RIMS1: variants seen among roughly 807,000 people sequenced by gnomAD.
RIMS1 encodes the protein regulating synaptic membrane exocytosis 1.
A neutral mutation model predicts 214.1 loss-of-function variants in RIMS1; 83 were observed. The observed-to-expected ratio is 0.39, with a 90% CI of 0.32 to 0.47. The LOEUF (loss-of-function observed/expected upper bound fraction) is 0.47. Among genes scored for constraint, RIMS1 ranks in the 20% least tolerant of loss-of-function variants. The probability of loss-of-function intolerance (pLI) is 0.99; values close to 1 mark genes in which losing one functional copy is unlikely to be tolerated. For missense variants in RIMS1, 2,050 were observed against 2,161.8 expected, an observed-to-expected ratio of 0.95 and a Z score of 1.03; for synonymous variants, 793 against 786.8, an observed-to-expected ratio of 1.01 and a Z score of -0.13.
chr6:72,276,234 A>G (rs549415835), intron 23 of RIMS1, among the ~76,000 whole-genome samples: 18 of 152,204 alleles, frequency 1.2e-4, no homozygotes, highest in Non-Finnish European at 2.4e-4. Context: ...CCAAGAAAAG[A>G]AAAAAAGAAA....
At chr6:72,280,656 A>T (rs1211068209) in intron 23 of RIMS1, among the ~76,000 whole-genome samples, 1 of 151,976 alleles carries the variant, frequency 6.6e-6, no homozygotes, top group Non-Finnish European at 1.5e-5. Flanking sequence ...GAAGAGAAAA[A>T]AGGGGCATCC....
intron 9 of RIMS1, among the ~76,000 whole-genome samples, chr6:72,238,376 G>GT (rs1235174929): frequency 2.6e-5 from 4 of 152,042 alleles, no homozygotes; most frequent in African/African-American, 9.6e-5. Context: ...CAGGGGCAGT[G>GT]TTTTTTATAA....
intron 2 of RIMS1, among the ~76,000 whole-genome samples, chr6:72,020,566 T>C (rs988178147): frequency 6.6e-6 from 1 of 152,198 alleles, no homozygotes. Flanking sequence ...ACTACATCTG[T>C]TGGTCAATTC....
intron 2 of RIMS1, among the ~76,000 whole-genome samples, chr6:72,035,687 A>T (rs1819431315): frequency 6.6e-6 from 1 of 152,184 alleles, no homozygotes. Flanking sequence ...TGCCTTAGTG[A>T]CTTCCCAAGA....
intron 6 of RIMS1, among the ~76,000 whole-genome samples, chr6:72,223,798 A>G (rs2059303675): frequency 6.6e-6 from 1 of 151,972 alleles, no homozygotes; most frequent in Non-Finnish European, 1.5e-5. Context: ...ATACAAAAAA[A>G]TTAGCCAGGC....
intron 2 of RIMS1, among the ~76,000 whole-genome samples, chr6:72,085,445 T>G (rs1343714666): frequency 6.6e-6 from 1 of 152,286 alleles, no homozygotes; most frequent in East Asian, 1.9e-4. Flanking sequence ...GTGATGGATA[T>G]CAGGTTAAAT....
chr6:71,969,802 C>T (rs530073314), intron 2 of RIMS1, among the ~76,000 whole-genome samples: 1 of 152,206 alleles, frequency 6.6e-6, no homozygotes, highest in Non-Finnish European at 1.5e-5. Flanking sequence ...GAGTGAGACC[C>T]TGTCTCAAAA....
intron 6 of RIMS1, chr6:72,216,969 A>G: frequency 1.5e-6 from 2 of 1,377,054 alleles, no homozygotes; most frequent in Middle Eastern, 2.7e-4. Context: ...TTTTGATGAC[A>G]GCAGCACTTA....
At chr6:72,260,575 C>A in intron 18 of RIMS1, 130 bp from the exon 19 acceptor site, 4 of 1,212,740 alleles carry the variant, frequency 3.3e-6, no homozygotes, top group Non-Finnish European at 4.7e-6. Flanking sequence ...TTTTGTTTAA[C>A]CTCTCAAGCA....
chr6:71,921,802 T>C (rs1780080733), intron 1 of RIMS1, among the ~76,000 whole-genome samples: 1 of 152,234 alleles, frequency 6.6e-6, no homozygotes, highest in Non-Finnish European at 1.5e-5. Context: ...TTTTTGTCTT[T>C]ATTACGCAAA....
At chr6:72,259,221 A>G (rs1325863264) in intron 18 of RIMS1, 110 bp downstream of exon 18, 15 of 808,604 alleles carry the variant, frequency 1.9e-5, no homozygotes, top group African/African-American at 3.5e-5. Flanking sequence ...TCACTCAAAA[A>G]TGAGCTGCTC....
chr6:72,368,446 G>T (rs183546414), intron 29 of RIMS1, among the ~76,000 whole-genome samples: 2 of 141,674 alleles, frequency 1.4e-5, no homozygotes, highest in African/African-American at 5.1e-5. Flanking sequence ...GGACTACCAC[G>T]CCCAGATAAT....
chr6:72,190,687 G>T (rs6918531), intron 6 of RIMS1, among the ~76,000 whole-genome samples: 27,683 of 151,920 alleles, frequency 0.18, 3,066 homozygotes, highest in Non-Finnish European at 0.25. Flanking sequence ...TGGAGATGAT[G>T]GGCATTTGAG....
chr6:72,379,342 C>T (rs2098446766), intron 29 of RIMS1, among the ~76,000 whole-genome samples: 1 of 152,240 alleles, frequency 6.6e-6, no homozygotes, highest in Non-Finnish European at 1.5e-5. Flanking sequence ...CTAGCTCCCA[C>T]CATCATGTCC....
Position 72,395,547 on chromosome 6 carries a change from T to C in RIMS1, c.4619-2702T>C, listed in dbSNP as rs35237047. ...AGTTTAGACAGAGTTGAGGAGAGAATTGGTTAATGGTTAATTGGAGGACAG... is the reference window on the plus strand; with the variant it reads ...AGTTTAGACAGAGTTGAGGAGAGAACTGGTTAATGGTTAATTGGAGGACAG... On this transcript the variant is annotated intron_variant, in intron 31 of 33. Transcript: ENST00000521978. Among the ~76,000 whole-genome samples, 479 of 151,964 alleles carry C rather than the reference T, an allele frequency of 3.2e-3. 1 individual carries two copies. The highest frequency in any genetic ancestry group is 0.014 in the Middle Eastern group (4 of 294).
intron 2 of RIMS1, among the ~76,000 whole-genome samples, chr6:72,082,161 G>A (rs1477545228): frequency 1.3e-5 from 2 of 152,032 alleles, no homozygotes; most frequent in Admixed American, 6.6e-5. Flanking sequence ...ATATTTGATG[G>A]CACTGCTTTT....
At chr6:72,048,179 G>A (rs952073251) in intron 2 of RIMS1, among the ~76,000 whole-genome samples, 1 of 152,176 alleles carries the variant, frequency 6.6e-6, no homozygotes, top group Non-Finnish European at 1.5e-5. Flanking sequence ...AAATCTTCAT[G>A]TGGCAAATAT....
chr6:71,975,189 AAC>A (rs1230430249), intron 2 of RIMS1, among the ~76,000 whole-genome samples: 1 of 152,202 alleles, frequency 6.6e-6, no homozygotes, highest in Non-Finnish European at 1.5e-5. Flanking sequence ...ACAAAAAATA[AAC>A]AATCTATAGT....
intron 2 of RIMS1, among the ~76,000 whole-genome samples, chr6:71,988,168 C>G (rs2151566099): frequency 6.6e-6 from 1 of 152,086 alleles, no homozygotes; most frequent in Non-Finnish European, 1.5e-5. Context: ...CCTGTAGCAG[C>G]AAATCTAAAT....
Sources: allele counts gnomAD v4.1 joint callset (sites outside exome capture counted in the v4.1 genomes callset), GRCh38; gene constraint gnomAD v4.1.1; transcripts MANE v1.5; gene names NCBI Gene and HGNC (gene_info 2026-07-23, HGNC 2026-07-21).